The following GABRA2 variants were observed in gnomAD, a reference collection of about 807,000 sequenced individuals.
GABRA2 encodes the protein gamma-aminobutyric acid type A receptor subunit alpha2.
Under a neutral mutation model 48.7 loss-of-function variants are expected in GABRA2, and 16 were observed. That is an observed-to-expected ratio of 0.33 (90% CI 0.22 to 0.50). The LOEUF (loss-of-function observed/expected upper bound fraction) is 0.50, where lower values mean the gene tolerates loss of function less well. Among genes scored for constraint, GABRA2 ranks in the 20% least tolerant of loss-of-function variants. The pLI is 0.98. For missense variants in GABRA2, 275 were observed against 535.6 expected (o/e 0.51, Z 4.80); for synonymous variants, 185 against 184.5 (o/e 1.00, Z -0.02).
chr4:46,378,374 A>T (rs56219444), intron 3 of GABRA2, among the ~76,000 whole-genome samples: 2 of 152,002 alleles, frequency 1.3e-5, no homozygotes, highest in Non-Finnish European at 2.9e-5. Flanking sequence ...ACCCTGTGCT[A>T]TCTGAAACAT....
chr4:46,320,258 A>T (rs1223000333), intron 4 of GABRA2, among the ~76,000 whole-genome samples: 2 of 151,808 alleles, frequency 1.3e-5, no homozygotes, highest in Admixed American at 6.6e-5. Context: ...TAAATTGGAC[A>T]TCTATCTTAT....
intron 8 of GABRA2, among the ~76,000 whole-genome samples, chr4:46,293,715 T>C (rs1235426910): frequency 3.3e-5 from 5 of 152,168 alleles, no homozygotes; most frequent in African/African-American, 9.7e-5. Flanking sequence ...TGTAAGCCAT[T>C]AGAGCTGCCT....
At chr4:46,373,800 C>A (rs1303783792) in intron 3 of GABRA2, among the ~76,000 whole-genome samples, 1 of 152,146 alleles carries the variant, frequency 6.6e-6, no homozygotes, top group Non-Finnish European at 1.5e-5. Flanking sequence ...ATATGTGTTG[C>A]ACAATTATTT....
At chr4:46,259,133 G>C (rs1313990197) in intron 9 of GABRA2, among the ~76,000 whole-genome samples, 1 of 151,740 alleles carries the variant, frequency 6.6e-6, no homozygotes, top group Non-Finnish European at 1.5e-5. Context: ...ATAACTAATG[G>C]AACAGGTTTG....
intron 4 of GABRA2, among the ~76,000 whole-genome samples, chr4:46,317,807 T>G (rs903528486): frequency 1.3e-5 from 2 of 151,766 alleles, no homozygotes; most frequent in African/African-American, 4.8e-5. Flanking sequence ...AATTTATAAT[T>G]ATCAGTGAGG....
chr4:46,388,762 C>G (rs866241856), intron 1 of GABRA2, 46 bp from the exon 2 acceptor site: 2 of 1,612,418 alleles, frequency 1.2e-6, no homozygotes, highest in Middle Eastern at 1.7e-4. Flanking sequence ...TTAAAATTGC[C>G]TTCAGTTTCA....
In GABRA2 at chr4:46,250,094, AGGCAAT is replaced by A; in HGVS notation, c.*208_*213del. 2.1e-6 allele frequency: 1 copy of A among 482,186 alleles called. No individual in the cohort carries two copies. Among genetic ancestry groups the A allele is most frequent in the Non-Finnish European group, 3.7e-6 (1 of 271,504 alleles). The allele number at this position is 482,186 out of a possible 1,614,324, so 29.9% of individuals were successfully genotyped here. A position where few individuals can be genotyped will look rare whatever the true frequency, so the allele number is the denominator to read the frequency against. ...AGGTCCTAGGGTAAATCTTTAAAAA[AGGCAAT>A]GGCTGTTTTCGCATGGAGTGCTTTC... On this transcript the variant is annotated 3_prime_UTR_variant, in exon 10 of 10. Transcript: ENST00000381620.
chr4:46,360,932 C>T (rs1485338719), intron 3 of GABRA2, among the ~76,000 whole-genome samples: 1 of 152,176 alleles, frequency 6.6e-6, no homozygotes, highest in Admixed American at 6.5e-5. Flanking sequence ...ATTTGTGGCA[C>T]TCTGAACTTG....
At chr4:46,263,535 G>T (rs1577808516) in intron 8 of GABRA2, among the ~76,000 whole-genome samples, 1 of 152,124 alleles carries the variant, frequency 6.6e-6, no homozygotes, top group East Asian at 1.9e-4. Flanking sequence ...AGAATCAATT[G>T]ACCATAGATA....
chr4:46,271,600 C>T (rs1432796524), intron 8 of GABRA2, among the ~76,000 whole-genome samples: 1 of 151,878 alleles, frequency 6.6e-6, no homozygotes, highest in East Asian at 1.9e-4. Context: ...ATTTGGATGA[C>T]ATATTTTCTC....
chr4:46,361,810 C>G (rs529979097), intron 3 of GABRA2, among the ~76,000 whole-genome samples: 2 of 152,230 alleles, frequency 1.3e-5, no homozygotes, highest in Admixed American at 1.3e-4. Context: ...CTTGCATCAG[C>G]ATTACCTGGA....
chr4:46,315,047 T>G (rs1048341999), intron 4 of GABRA2, among the ~76,000 whole-genome samples: 2 of 152,082 alleles, frequency 1.3e-5, no homozygotes, highest in African/African-American at 4.8e-5. Flanking sequence ...TGTTTTAAGT[T>G]CTTTGAGAAA....
At chr4:46,263,942 CTCTCTCTA>C (rs752684276) in intron 8 of GABRA2, among the ~76,000 whole-genome samples, 1 of 148,688 alleles carries the variant, frequency 6.7e-6, no homozygotes, top group Admixed American at 6.7e-5. Flanking sequence ...CTCTCTCTCT[CTCTCTCTA>C]TTTCTCTATA....
chr4:46,361,855 G>A (rs1232677787), intron 3 of GABRA2, among the ~76,000 whole-genome samples: 1 of 152,210 alleles, frequency 6.6e-6, no homozygotes, highest in Non-Finnish European at 1.5e-5. Context: ...TCATTTTGAA[G>A]CTTTAAGATC....
At chr4:46,313,129 A>AAATG (rs1039037189) in intron 4 of GABRA2, among the ~76,000 whole-genome samples, 1 of 139,966 alleles carries the variant, frequency 7.1e-6, no homozygotes, top group Non-Finnish European at 1.5e-5. Context: ...ATAAATAAAT[A>AAATG]AATAAATAAA....
intron 4 of GABRA2, among the ~76,000 whole-genome samples, chr4:46,320,047 A>G (rs557720335): frequency 4.6e-5 from 7 of 151,926 alleles, no homozygotes; most frequent in Non-Finnish European, 8.8e-5. Flanking sequence ...TATACCATAC[A>G]TAAAACAACC....
intron 8 of GABRA2, among the ~76,000 whole-genome samples, chr4:46,271,751 A>G (rs1158161209): frequency 6.6e-6 from 1 of 152,010 alleles, no homozygotes; most frequent in Non-Finnish European, 1.5e-5. Flanking sequence ...TTACCTAAAT[A>G]TATCACGGAT....
At chr4:46,288,940 C>G (rs1723065491) in intron 8 of GABRA2, among the ~76,000 whole-genome samples, 1 of 151,726 alleles carries the variant, frequency 6.6e-6, no homozygotes, top group African/African-American at 2.4e-5. Context: ...ATGTAGCCAA[C>G]AATCATATGA....
In GABRA2 at chr4:46,301,687, C is replaced by A. The variant is rs116867365; in HGVS notation, c.856+1773G>T. Among the ~76,000 whole-genome samples, 7 of 152,332 alleles carry A rather than the reference C, an allele frequency of 4.6e-5. No individual in the cohort carries two copies. In the East Asian group the frequency reaches 9.6e-4, roughly 21 times the overall value. On this transcript the variant is annotated intron_variant, in intron 8 of 9. Coordinates refer to ENST00000381620, the MANE Select transcript of GABRA2 (RefSeq NM_000807.4). ...TGGTAACTCAGCCACTTACTCAGCT[C>A]TAGGAAGGATCCATGCTGTTGTTTT...
Sources: allele counts gnomAD v4.1 joint callset (sites outside exome capture counted in the v4.1 genomes callset), GRCh38; gene constraint gnomAD v4.1.1; transcripts MANE v1.5; gene names NCBI Gene and HGNC (gene_info 2026-07-23, HGNC 2026-07-21).